The following CRPPA variants were observed in gnomAD, a reference collection of about 807,000 sequenced individuals.
The protein encoded by CRPPA is D-ribitol-5-phosphate cytidylyltransferase.
Under a neutral mutation model 52.0 loss-of-function variants are expected in CRPPA, and 43 were observed. The observed-to-expected ratio is 0.83, with a 90% CI of 0.65 to 1.07. The LOEUF is 1.07. Ranked by LOEUF, CRPPA falls within the 50% of genes least tolerant of loss-of-function variation. The pLI is 0.00. For missense variants in CRPPA, 629 were observed against 551.7 expected (o/e 1.14, Z -1.40); for synonymous variants, 250 against 203.5 (o/e 1.23, Z -1.94).
At chr7:16,188,004 T>C (rs1190329218) in intron 9 of CRPPA, among the ~76,000 whole-genome samples, 2 of 151,442 alleles carry the variant, frequency 1.3e-5, no homozygotes, top group Admixed American at 6.6e-5. Flanking sequence ...AATGAGGACC[T>C]GAACCAATGC....
chr7:16,377,306 T>A (rs1043865285), intron 2 of CRPPA, among the ~76,000 whole-genome samples: 1 of 151,972 alleles, frequency 6.6e-6, no homozygotes, highest in Non-Finnish European at 1.5e-5. Context: ...AGTATCCAAA[T>A]AGGTGAAGGG....
At chr7:16,274,492 T>C (rs951858091) in intron 6 of CRPPA, among the ~76,000 whole-genome samples, 2 of 152,148 alleles carry the variant, frequency 1.3e-5, no homozygotes, top group African/African-American at 4.8e-5. Flanking sequence ...ACCAAGATTC[T>C]CTGAGTAAAA....
At chr7:16,408,779 C>T (rs181000247) in intron 1 of CRPPA, among the ~76,000 whole-genome samples, 189 of 152,146 alleles carry the variant, frequency 1.2e-3, no homozygotes, top group Middle Eastern at 6.8e-3. Context: ...TAGGTGGATC[C>T]AACGTAATCA....
In CRPPA at chr7:16,406,044, C is replaced by T. The variant is rs1339846298; in HGVS notation, c.534+17G>A. 6.2e-7 allele frequency: 1 copy of T among 1,608,282 alleles called. No individual in the cohort carries two copies. The highest frequency in any genetic ancestry group is 8.5e-7 in the Non-Finnish European group (1 of 1,176,166). On this transcript the variant is annotated intron_variant, in intron 2 of 9. Coordinates refer to ENST00000407010, the MANE Select transcript of CRPPA (RefSeq NM_001101426.4). ...AGTGCTTGTCCCTTCTATCTAGACT[C>T]AAGAAAAAAGACTTACCCCGTGTTC...
At chr7:16,347,324 A>G (rs1276458101) in intron 3 of CRPPA, among the ~76,000 whole-genome samples, 1 of 152,160 alleles carries the variant, frequency 6.6e-6, no homozygotes, top group African/African-American at 2.4e-5. Context: ...TTGCATTATC[A>G]AAACATTAGT....
At chr7:16,324,325 G>T (rs892306976) in intron 3 of CRPPA, among the ~76,000 whole-genome samples, 1 of 152,202 alleles carries the variant, frequency 6.6e-6, no homozygotes, top group Admixed American at 6.5e-5. Context: ...ATGGTCTGAC[G>T]ACACTAGAAA....
chr7:16,286,044 AATATATATATATATATAT>A (rs1175134468), intron 5 of CRPPA, among the ~76,000 whole-genome samples: 3 of 12,546 alleles, frequency 2.4e-4, no homozygotes, highest in African/African-American at 1.1e-3. Context: ...AAAAAATATA[AATATATATATATATATAT>A]ATATATATAT....
At chr7:16,095,657 T>TCA (rs1486184444) in intron 9 of CRPPA, among the ~76,000 whole-genome samples, 1 of 152,120 alleles carries the variant, frequency 6.6e-6, no homozygotes, top group East Asian at 1.9e-4. Context: ...TCCCCAGCTG[T>TCA]CATGCTGAGA....
At chr7:16,372,418 C>T (rs901607400) in intron 3 of CRPPA, among the ~76,000 whole-genome samples, 1 of 152,186 alleles carries the variant, frequency 6.6e-6, no homozygotes, top group African/African-American at 2.4e-5. Context: ...AAATAATTGT[C>T]AGCCAAGAAT....
At chr7:16,357,854 G>A (rs1786342625) in intron 3 of CRPPA, among the ~76,000 whole-genome samples, 1 of 152,220 alleles carries the variant, frequency 6.6e-6, no homozygotes, top group African/African-American at 2.4e-5. Context: ...CCCACCGGAT[G>A]GCAGGGAAGT....
chr7:16,386,887 G>T (rs923187477), intron 2 of CRPPA, among the ~76,000 whole-genome samples: 9 of 151,920 alleles, frequency 5.9e-5, no homozygotes, highest in Non-Finnish European at 7.4e-5. Flanking sequence ...TGGTATGGTG[G>T]TGAATGCCTG....
chr7:16,421,140 C>G lies in CRPPA; in HGVS notation c.183G>C (p.Gly61=). ...GGCAGAATTGCTTCGGGGTGGGGAC[C>G]CCCATCCTCTCCCCGCACCCCCCGG... ...LPAGGCGERM[G]VPTPKQFCPI... The change falls in exon 1 of 10, where the codon GGG becomes GGC. Residue 61 remains glycine (G), a synonymous_variant. Transcript: ENST00000407010. 3 of 1,332,740 alleles carry G rather than the reference C, an allele frequency of 2.3e-6. No individual in the cohort carries two copies. Among genetic ancestry groups the G allele is most frequent in the Non-Finnish European group, 1.9e-6 (2 of 1,035,836 alleles). The allele number at this position is 1,332,740 out of a possible 1,614,324, so 82.6% of individuals were successfully genotyped here. A position where few individuals can be genotyped will look rare whatever the true frequency, so the allele number is the denominator to read the frequency against.
At chr7:16,344,166 A>G (rs1243721599) in intron 3 of CRPPA, among the ~76,000 whole-genome samples, 1 of 152,194 alleles carries the variant, frequency 6.6e-6, no homozygotes, top group Non-Finnish European at 1.5e-5. Context: ...GGTTTTTAAC[A>G]AAAACCCAAG....
intron 3 of CRPPA, among the ~76,000 whole-genome samples, chr7:16,339,784 G>A (rs1335428537): frequency 6.6e-6 from 1 of 152,144 alleles, no homozygotes; most frequent in Non-Finnish European, 1.5e-5. Flanking sequence ...TGCAGAAAAT[G>A]TAAATGCATC....
chr7:16,132,614 T>A (rs1254394409), intron 9 of CRPPA, among the ~76,000 whole-genome samples: 1 of 124,982 alleles, frequency 8.0e-6, no homozygotes, highest in African/African-American at 2.6e-5. Flanking sequence ...GTAGGTTTTA[T>A]AATACCATTG....
At chr7:16,264,418 G>A (rs777333958) in intron 6 of CRPPA, among the ~76,000 whole-genome samples, 1 of 152,150 alleles carries the variant, frequency 6.6e-6, no homozygotes, top group African/African-American at 2.4e-5. Flanking sequence ...ACAAATAAGA[G>A]TTTAGGAAAG....
Position 16,091,355 on chromosome 7 carries a change from T to C in CRPPA, c.*340A>G. 1 of 190,750 alleles carries C rather than the reference T, an allele frequency of 5.2e-6. No homozygotes were observed. Among genetic ancestry groups the C allele is most frequent in the Non-Finnish European group, 1.1e-5 (1 of 94,164 alleles). The allele number at this position is 190,750 out of a possible 1,614,324, so 11.8% of individuals were successfully genotyped here. On this transcript the variant is annotated 3_prime_UTR_variant, in exon 10 of 10. Coordinates refer to ENST00000407010, the MANE Select transcript of CRPPA (RefSeq NM_001101426.4). ...TAACAGTTAGGATAATAACTGAAGT[T>C]TTCTAAATTCTCATTCCTTGAAAGA...
intron 9 of CRPPA, among the ~76,000 whole-genome samples, chr7:16,109,861 T>C (rs754093569): frequency 4.6e-5 from 7 of 152,054 alleles, no homozygotes; most frequent in Non-Finnish European, 7.4e-5. Flanking sequence ...GTATAGTTAA[T>C]GCTGAAGCCT....
intron 9 of CRPPA, among the ~76,000 whole-genome samples, chr7:16,204,465 T>C (rs1257864628): frequency 6.6e-6 from 1 of 152,016 alleles, no homozygotes; most frequent in Non-Finnish European, 1.5e-5. Flanking sequence ...ATTGGAGACT[T>C]GGAAGCAGGG....
Sources: gnomAD v4.1 joint callset for allele counts (sites outside exome capture counted in the v4.1 genomes callset) on GRCh38, gnomAD v4.1.1 for gene constraint, MANE v1.5 for transcripts, NCBI Gene and HGNC (gene_info 2026-07-23, HGNC 2026-07-21) for gene names.